The following DNAJC5 variants were observed in gnomAD, a reference collection of about 807,000 sequenced individuals.
DNAJC5 encodes the protein dnaJ homolog subfamily C member 5.
DNAJC5 carries 1 observed loss-of-function variant against 23.2 expected under a neutral mutation model. That is an observed-to-expected ratio of 0.04 (90% CI 0.02 to 0.20). The LOEUF (loss-of-function observed/expected upper bound fraction) is 0.20. Among genes scored for constraint, DNAJC5 ranks in the 10% least tolerant of loss-of-function variants. The pLI is 1.00. For synonymous variants in DNAJC5, 136 were observed against 120.0 expected (o/e 1.13, Z -0.87); for missense variants, 180 against 267.0 (o/e 0.67, Z 2.27).
In DNAJC5 at chr20:63,931,384, C is replaced by T. The variant is rs753481995; in HGVS notation, c.494-81C>T. 8.9e-6 allele frequency: 12 copies of T among 1,352,560 alleles called. No individual in the cohort carries two copies. Among genetic ancestry groups the T allele is most frequent in the Admixed American group, 3.9e-5 (2 of 50,716 alleles). 83.8% of individuals were successfully genotyped at this position (1,352,560 alleles called of 1,614,324 possible). ...CCGGTGGAGAGTTTGTCCAGGTGCC[C>T]GAAAGTCGCTCCACAGGACCAGCGT... On this transcript the variant is annotated intron_variant, in intron 4 of 4. Transcript: ENST00000360864. The surrounding 1 kb of genome is among the most constrained non-coding windows in gnomAD (Gnocchi z 9.6).
rs953169135 is a variant in DNAJC5 at position 63,929,961 on chromosome 20, G to T, written c.321+436G>T. 4.6e-5 allele frequency among the ~76,000 whole-genome samples: 7 copies of T among 152,242 alleles called. No homozygotes were observed. Among genetic ancestry groups the T allele is most frequent in the African/African-American group, 1.4e-4 (6 of 41,466 alleles). ...GTACAGATTGTCCCAGGGAAGAGCC[G>T]TGCGGAGCCGCCAGGGTTTCTTCTG... On this transcript the variant is annotated intron_variant, in intron 3 of 4. Transcript: ENST00000360864. This position sits in a 1 kb window ranked among gnomAD's most constrained non-coding sequence, Gnocchi z 8.6.
At chr20:63,924,375 A>T (rs1388838285) in intron 1 of DNAJC5, among the ~76,000 whole-genome samples, 1 of 152,144 alleles carries the variant, frequency 6.6e-6, no homozygotes, top group Non-Finnish European at 1.5e-5. Context: ...TACAGATTTC[A>T]TAGGTCTTGT....
rs1385971933 is a variant in DNAJC5 at position 63,928,070 on chromosome 20, C to T, written c.-11-265C>T. ...GCTCAAGCGGTCCTCCCGCCTCAGCCTCCCAAAATGCTGGGACTACAGGTG... is the reference window on the plus strand; with the variant it reads ...GCTCAAGCGGTCCTCCCGCCTCAGCTTCCCAAAATGCTGGGACTACAGGTG... On this transcript the variant is annotated intron_variant, in intron 1 of 4. Coordinates refer to ENST00000360864, the MANE Select transcript of DNAJC5 (RefSeq NM_025219.3). This position sits in a 1 kb window ranked among gnomAD's most constrained non-coding sequence, Gnocchi z 4.6. 6.6e-6 allele frequency among the ~76,000 whole-genome samples: 1 copy of T among 152,248 alleles called. No individual in the cohort carries two copies. Among genetic ancestry groups the T allele is most frequent in the Admixed American group, 6.5e-5 (1 of 15,284 alleles).
chr20:63,903,269 C>T (rs1326335792), intron 1 of DNAJC5, among the ~76,000 whole-genome samples: 3 of 152,116 alleles, frequency 2.0e-5, no homozygotes, highest in Non-Finnish European at 4.4e-5. Flanking sequence ...TCACCCTAAC[C>T]CTCAGTAACT....
chr20:63,915,330 G>A (rs1291865516), intron 1 of DNAJC5, among the ~76,000 whole-genome samples: 1 of 152,094 alleles, frequency 6.6e-6, no homozygotes, highest in African/African-American at 2.4e-5. Flanking sequence ...TTGGAGGAGG[G>A]CTGTTGTTCA....
intron 1 of DNAJC5, among the ~76,000 whole-genome samples, chr20:63,914,767 C>T (rs918746125): frequency 1.3e-5 from 2 of 151,974 alleles, no homozygotes; most frequent in Non-Finnish European, 2.9e-5. Flanking sequence ...AGGCACCTGC[C>T]ACCACGCCCT....
Position 63,920,123 on chromosome 20 carries a change from C to G in DNAJC5, c.-11-8212C>G, listed in dbSNP as rs1285770459. The stretch of plus-strand genomic sequence containing the variant: ...CATGTGCCCAGGGCCCGGGACAGCG[C>G]CACGGAAGAGGACGCACAGGACAGC... On this transcript the variant is annotated intron_variant, in intron 1 of 4. Transcript: ENST00000360864. This position sits in a 1 kb window ranked among gnomAD's most constrained non-coding sequence, Gnocchi z 4.6. Among the ~76,000 whole-genome samples the G allele has an allele frequency of 1.4e-5, 2 of 140,816 alleles. No individual in the cohort carries two copies. The highest frequency in any genetic ancestry group is 2.7e-5 in the African/African-American group (1 of 36,772). The allele number at this position is 140,816 out of a possible 152,430, so 92.4% of individuals were successfully genotyped here.
rs981527683 is a variant in DNAJC5 at position 63,932,802 on chromosome 20, C to A, written c.*1234C>A. 1 of 152,192 alleles carries A rather than the reference C, an allele frequency of 6.6e-6. No individual in the cohort carries two copies. The highest frequency in any genetic ancestry group is 2.4e-5 in the African/African-American group (1 of 41,336). 9.4% of individuals were successfully genotyped at this position (152,192 alleles called of 1,614,324 possible). A position where few individuals can be genotyped will look rare whatever the true frequency, so the allele number is the denominator to read the frequency against. On this transcript the variant is annotated 3_prime_UTR_variant, in exon 5 of 5. Transcript: ENST00000360864. The surrounding 1 kb of genome is among the most constrained non-coding windows in gnomAD (Gnocchi z 4.4). ...TGGACCATTGTGGGTCCCTGGGAGGCCGGCAGCCAGGCCACGGAATCCACA... is the reference window on the plus strand; with the variant it reads ...TGGACCATTGTGGGTCCCTGGGAGGACGGCAGCCAGGCCACGGAATCCACA...
Position 63,895,234 on chromosome 20 carries a change from G to C in DNAJC5, c.-101G>C, listed in dbSNP as rs1258324566. Reference sequence around the variant, plus strand: ...CGCCGCCCGGGGTCTCCAGGCTGAGGAGTGCGTCGGCCGCTGCCCAGCAGC... The same window carrying C: ...CGCCGCCCGGGGTCTCCAGGCTGAGCAGTGCGTCGGCCGCTGCCCAGCAGC... On this transcript the variant is annotated 5_prime_UTR_variant, in exon 1 of 5. Transcript: ENST00000360864. 6.7e-6 allele frequency: 1 copy of C among 149,982 alleles called. No individual in the cohort carries two copies. Among genetic ancestry groups the C allele is most frequent in the Admixed American group, 6.7e-5 (1 of 14,982 alleles). 9.3% of individuals were successfully genotyped at this position (149,982 alleles called of 1,614,324 possible).
chr20:63,916,762 T>A (rs1306685239), intron 1 of DNAJC5, among the ~76,000 whole-genome samples: 1 of 152,176 alleles, frequency 6.6e-6, no homozygotes, highest in Admixed American at 6.5e-5. Flanking sequence ...CAGCCTTCTG[T>A]AGACCTCCCC....
chr20:63,926,149 A>G (rs953922795), intron 1 of DNAJC5, among the ~76,000 whole-genome samples: 9 of 152,090 alleles, frequency 5.9e-5, no homozygotes, highest in Non-Finnish European at 1.2e-4. Context: ...TTTTATTACA[A>G]ATATAACTTT....
At chr20:63,914,354 G>A (rs2053501997) in intron 1 of DNAJC5, among the ~76,000 whole-genome samples, 1 of 152,188 alleles carries the variant, frequency 6.6e-6, no homozygotes, top group Non-Finnish European at 1.5e-5. Context: ...TTGCTCTGTT[G>A]CCCAGGCTGG....
intron 1 of DNAJC5, among the ~76,000 whole-genome samples, chr20:63,921,675 G>A (rs1370602193): frequency 1.3e-5 from 2 of 152,080 alleles, no homozygotes; most frequent in Non-Finnish European, 1.5e-5. Context: ...ATGGCAGCTC[G>A]TCACTTGCAG....
At chr20:63,911,763 T>G (rs2146281634) in intron 1 of DNAJC5, among the ~76,000 whole-genome samples, 1 of 152,028 alleles carries the variant, frequency 6.6e-6, no homozygotes, top group East Asian at 1.9e-4. Context: ...AGCCTTGACC[T>G]CCTGGGCTCG....
chr20:63,923,442 TA>T (rs574865940), intron 1 of DNAJC5, among the ~76,000 whole-genome samples: 24 of 141,516 alleles, frequency 1.7e-4, no homozygotes, highest in African/African-American at 3.9e-4. Context: ...ACCTTGTTTC[TA>T]AAAAAAAAAA....
rs1335012589 is a variant in DNAJC5 at position 63,918,972 on chromosome 20, T to G, written c.-11-9363T>G. ...TAAAACAGAACAAAAATAGACTTCC[T>G]TTTAAGATGTTTTCATATCTGTTCT... On this transcript the variant is annotated intron_variant, in intron 1 of 4. Transcript: ENST00000360864. Among the ~76,000 whole-genome samples, 3 of 152,372 alleles carry G rather than the reference T, an allele frequency of 2.0e-5. No homozygotes were observed. In the East Asian group the frequency reaches 5.8e-4, roughly 29 times the overall value.
At chr20:63,921,045 C>T (rs1280549062) in intron 1 of DNAJC5, among the ~76,000 whole-genome samples, 3 of 152,084 alleles carry the variant, frequency 2.0e-5, no homozygotes, top group Non-Finnish European at 4.4e-5. Flanking sequence ...CTGCAAACTC[C>T]ACCTCCCGGG....
chr20:63,924,567 C>CAA (rs2053596501), intron 1 of DNAJC5, among the ~76,000 whole-genome samples: 1 of 152,034 alleles, frequency 6.6e-6, no homozygotes, highest in African/African-American at 2.4e-5. Flanking sequence ...AAAACAAAAA[C>CAA]AAAAAACCGG....
rs531246320 is a variant in DNAJC5, at chr20:63,895,194, T to TGCCGCC, written c.-125_-120dup. 313 of 153,706 alleles carry TGCCGCC rather than the reference T, an allele frequency of 2.0e-3. 5 individuals carry two copies. Among genetic ancestry groups the TGCCGCC allele is most frequent in the African/African-American group, 4.5e-3 (186 of 41,216 alleles). The allele number at this position is 153,706 out of a possible 1,614,324, so 9.5% of individuals were successfully genotyped here. ...CTGCCGGTGCCGCACCCGCGCCCTC[T>TGCCGCC]GCCGCCGCCGCCGCCGCCGCCCGGG... is the stretch of plus-strand genomic sequence containing the variant. On this transcript the variant is annotated 5_prime_UTR_variant, in exon 1 of 5. Coordinates refer to ENST00000360864, the MANE Select transcript of DNAJC5 (RefSeq NM_025219.3).
Sources: gnomAD v4.1 joint callset for allele counts (sites outside exome capture counted in the v4.1 genomes callset) on GRCh38, gnomAD v4.1.1 for gene constraint, Gnocchi (gnomAD v3.1) non-coding constraint, MANE v1.5 for transcripts, NCBI Gene and HGNC (gene_info 2026-07-23, HGNC 2026-07-21) for gene names.